The following RANBP10 variants were observed in gnomAD, a reference collection of about 807,000 sequenced individuals.
RANBP10 encodes RAN binding protein 10.
A neutral mutation model predicts 72.8 loss-of-function variants in RANBP10; 24 were observed. The ratio of observed to expected loss-of-function variants is 0.33; its 90% CI spans 0.24 to 0.46. The LOEUF is 0.46. Among genes scored for constraint, RANBP10 ranks in the 20% least tolerant of loss-of-function variants. The pLI, the probability that RANBP10 is intolerant of heterozygous loss-of-function variation, is 1.00. For missense variants in RANBP10, 679 were observed against 817.5 expected (o/e 0.83, Z 2.07); for synonymous variants, 310 against 322.3 (o/e 0.96, Z 0.41).
intron 6 of RANBP10, among the ~76,000 whole-genome samples, chr16:67,732,356 G>A (rs1167656508): frequency 6.6e-6 from 1 of 152,176 alleles, no homozygotes; most frequent in Non-Finnish European, 1.5e-5. Context: ...GCACATGTGT[G>A]TACACATATA....
intron 2 of RANBP10, among the ~76,000 whole-genome samples, chr16:67,778,919 C>T (rs1280766607): frequency 1.3e-5 from 2 of 151,652 alleles, no homozygotes; most frequent in African/African-American, 4.9e-5. Context: ...ATGGCAAAAC[C>T]CCATCTCTAC....
chr16:67,771,149 C>T (rs2054599917), intron 3 of RANBP10, among the ~76,000 whole-genome samples: 1 of 151,426 alleles, frequency 6.6e-6, no homozygotes, highest in African/African-American at 2.4e-5. Flanking sequence ...GTGGTCCCAG[C>T]TACTAGGAAG....
At chr16:67,728,592 C>T in intron 10 of RANBP10, 81 bp from the exon 11 acceptor site, 12 of 1,605,356 alleles carry the variant, frequency 7.5e-6, no homozygotes, top group Non-Finnish European at 1.0e-5. Flanking sequence ...CAAGCTGTAG[C>T]CATGGGTTGC....
intron 13 of RANBP10, 87 bp downstream of exon 13, chr16:67,727,240 T>C: frequency 7.7e-7 from 1 of 1,295,798 alleles, no homozygotes; most frequent in East Asian, 2.5e-5. Flanking sequence ...TGGAGATTGC[T>C]GTGAGCCAAG....
At chr16:67,765,023 G>C (rs1301518696) in intron 3 of RANBP10, among the ~76,000 whole-genome samples, 1 of 151,864 alleles carries the variant, frequency 6.6e-6, no homozygotes, top group Non-Finnish European at 1.5e-5. Context: ...TTTGCACAAA[G>C]ATGTGTAAGT....
chr16:67,747,706 T>C (rs1257118131), intron 3 of RANBP10, among the ~76,000 whole-genome samples: 1 of 152,006 alleles, frequency 6.6e-6, no homozygotes, highest in Non-Finnish European at 1.5e-5. Flanking sequence ...GGTTTCACCA[T>C]GTTGGCCAGG....
chr16:67,767,551 C>T (rs1282087878), intron 3 of RANBP10, among the ~76,000 whole-genome samples: 2 of 151,340 alleles, frequency 1.3e-5, no homozygotes, highest in Non-Finnish European at 1.5e-5. Context: ...TGCTTGAGCC[C>T]AGGAGTTAGA....
intron 2 of RANBP10, among the ~76,000 whole-genome samples, chr16:67,794,110 T>C (rs1214215587): frequency 6.6e-6 from 1 of 152,122 alleles, no homozygotes; most frequent in Non-Finnish European, 1.5e-5. Context: ...CTTGAACCCC[T>C]AGGCTCAAGC....
rs1019626365 is a variant in RANBP10, at chr16:67,730,503, G to C, written c.890-457C>G. Among the ~76,000 whole-genome samples, 1 of 152,314 alleles carries C rather than the reference G, an allele frequency of 6.6e-6. No homozygotes were observed. The highest frequency in any genetic ancestry group is 2.1e-4 in the South Asian group (1 of 4,826). Reference sequence around the variant, plus strand: ...CACACTGGTTTCTGACCAGGGCTCTGGCTGGTGGTCTTCAGGGGCTGCAGC... The same window carrying C: ...CACACTGGTTTCTGACCAGGGCTCTCGCTGGTGGTCTTCAGGGGCTGCAGC... On this transcript the variant is annotated intron_variant, in intron 7 of 13. Transcript: ENST00000317506. The surrounding 1 kb of genome is among the most constrained non-coding windows in gnomAD (Gnocchi z 4.3).
intron 12 of RANBP10, 35 bp downstream of exon 12, chr16:67,727,716 G>A: frequency 6.2e-7 from 1 of 1,613,710 alleles, no homozygotes; most frequent in Non-Finnish European, 8.5e-7. Context: ...CACCAAATGG[G>A]GCCTGCTCTG....
intron 3 of RANBP10, among the ~76,000 whole-genome samples, chr16:67,769,083 T>C (rs1338399322): frequency 6.6e-6 from 1 of 152,188 alleles, no homozygotes; most frequent in Non-Finnish European, 1.5e-5. Context: ...TAGCACATCA[T>C]ATATTTCCAT....
intron 2 of RANBP10, among the ~76,000 whole-genome samples, chr16:67,803,034 T>C (rs1442765384): frequency 6.6e-6 from 1 of 152,198 alleles, no homozygotes; most frequent in African/African-American, 2.4e-5. Flanking sequence ...TCAGTTTCTG[T>C]GGCAGTATGA....
At chr16:67,734,218 T>G (rs1227979708) in intron 6 of RANBP10, among the ~76,000 whole-genome samples, 1 of 152,218 alleles carries the variant, frequency 6.6e-6, no homozygotes, top group Non-Finnish European at 1.5e-5. Flanking sequence ...CTGCCCATCC[T>G]TGAGAGCCAA....
intron 11 of RANBP10, 128 bp downstream of exon 11, chr16:67,728,262 T>A (rs913462414): frequency 2.0e-6 from 2 of 1,012,466 alleles, no homozygotes; most frequent in African/African-American, 3.2e-5. Flanking sequence ...CTAAGGAGGC[T>A]GTGGACCAGG....
At chr16:67,747,668 C>G (rs914242713) in intron 3 of RANBP10, among the ~76,000 whole-genome samples, 1 of 151,800 alleles carries the variant, frequency 6.6e-6, no homozygotes, top group South Asian at 2.1e-4. Flanking sequence ...TACCAGCAGG[C>G]TAATTTTTGT....
At chr16:67,782,868 A>G (rs112196412) in intron 2 of RANBP10, among the ~76,000 whole-genome samples, 106 of 151,764 alleles carry the variant, frequency 7.0e-4, no homozygotes, top group East Asian at 1.4e-3. Flanking sequence ...CTTAAAAGCC[A>G]CTTTTAAGAG....
chr16:67,784,063 A>T (rs76557837), intron 2 of RANBP10, among the ~76,000 whole-genome samples: 2 of 151,800 alleles, frequency 1.3e-5, no homozygotes, highest in Non-Finnish European at 2.9e-5. Flanking sequence ...AAAAAAAAAA[A>T]AGACATCAAA....
intron 4 of RANBP10, among the ~76,000 whole-genome samples, chr16:67,740,347 G>C (rs1316866336): frequency 6.6e-6 from 1 of 151,842 alleles, no homozygotes; most frequent in Admixed American, 6.6e-5. Flanking sequence ...CTCATGATCT[G>C]CCTGTCTCAG....
chr16:67,784,778 C>T (rs1298067695), intron 2 of RANBP10, among the ~76,000 whole-genome samples: 4 of 151,404 alleles, frequency 2.6e-5, no homozygotes, highest in Admixed American at 6.6e-5. Context: ...GAGATTGAGC[C>T]ATTGCACTCC....
Sources: allele counts gnomAD v4.1 joint callset (sites outside exome capture counted in the v4.1 genomes callset), GRCh38; gene constraint gnomAD v4.1.1; non-coding constraint Gnocchi (gnomAD v3.1); transcripts MANE v1.5; gene names NCBI Gene and HGNC (gene_info 2026-07-23, HGNC 2026-07-21).